The following DNER variants were observed in gnomAD, a reference collection of about 807,000 sequenced individuals.
DNER encodes the protein delta/notch like EGF repeat containing, also known as delta and Notch-like epidermal growth factor-related receptor.
DNER carries 33 observed loss-of-function variants against 78.2 expected under a neutral mutation model. That is an observed-to-expected ratio of 0.42 (90% CI 0.32 to 0.56). The LOEUF is 0.56. Among genes scored for constraint, DNER ranks in the 20% least tolerant of loss-of-function variants. The pLI, the probability that DNER is intolerant of heterozygous loss-of-function variation, is 0.11. For missense variants in DNER, 918 were observed against 975.3 expected, an observed-to-expected ratio of 0.94 and a Z score of 0.78; for synonymous variants, 417 against 384.8, an observed-to-expected ratio of 1.08 and a Z score of -0.98.
At chr2:229,475,264 C>T (rs1460874416) in intron 7 of DNER, among the ~76,000 whole-genome samples, 1 of 152,210 alleles carries the variant, frequency 6.6e-6, no homozygotes, top group Non-Finnish European at 1.5e-5. Context: ...CAAACCTCCC[C>T]CTCCGACTCC....
intron 4 of DNER, among the ~76,000 whole-genome samples, chr2:229,567,630 C>T (rs1283355432): frequency 3.3e-5 from 5 of 152,318 alleles, no homozygotes; most frequent in East Asian, 1.9e-4. Flanking sequence ...ATCTTGAGCA[C>T]AGAGCCCCAA....
chr2:229,379,059 G>A (rs1692674533), intron 11 of DNER, among the ~76,000 whole-genome samples: 1 of 152,134 alleles, frequency 6.6e-6, no homozygotes, highest in Admixed American at 6.6e-5. Context: ...ATCATCAAAT[G>A]GAAGATGATA....
intron 8 of DNER, among the ~76,000 whole-genome samples, chr2:229,432,057 T>C (rs1694017505): frequency 6.6e-6 from 1 of 152,216 alleles, no homozygotes; most frequent in Admixed American, 6.5e-5. Context: ...ATGTTTGTAA[T>C]ACCATGATTA....
intron 6 of DNER, among the ~76,000 whole-genome samples, chr2:229,478,204 T>C (rs1027803203): frequency 1.6e-4 from 24 of 151,810 alleles, no homozygotes; most frequent in Admixed American, 4.6e-4. Context: ...TTGTGAGTCA[T>C]AGATATTTTC....
At chr2:229,458,805 A>T (rs1249841205) in intron 7 of DNER, among the ~76,000 whole-genome samples, 1 of 152,010 alleles carries the variant, frequency 6.6e-6, no homozygotes, top group Non-Finnish European at 1.5e-5. Flanking sequence ...TAAAAAACAT[A>T]AAGTGTAGAA....
At chr2:229,456,228 G>C (rs906592777) in intron 7 of DNER, among the ~76,000 whole-genome samples, 2 of 151,844 alleles carry the variant, frequency 1.3e-5, no homozygotes, top group Non-Finnish European at 2.9e-5. Flanking sequence ...AAGAGCAAGA[G>C]AGAAATGCAG....
intron 8 of DNER, among the ~76,000 whole-genome samples, chr2:229,436,602 A>G (rs1694123974): frequency 6.6e-6 from 1 of 152,248 alleles, no homozygotes; most frequent in Admixed American, 6.5e-5. Flanking sequence ...CAGACCTGTC[A>G]GCAGAAACCC....
At chr2:229,373,863 C>G (rs1041035998) in intron 11 of DNER, among the ~76,000 whole-genome samples, 7 of 152,166 alleles carry the variant, frequency 4.6e-5, no homozygotes, top group African/African-American at 1.7e-4. Context: ...ACCACATGTT[C>G]TCACTTATAA....
intron 6 of DNER, among the ~76,000 whole-genome samples, chr2:229,492,144 A>ATAC (rs1695414029): frequency 6.6e-6 from 1 of 152,156 alleles, no homozygotes; most frequent in Admixed American, 6.5e-5. Context: ...CACCCAGAAA[A>ATAC]ATCCCTGGCA....
intron 1 of DNER, among the ~76,000 whole-genome samples, chr2:229,624,826 T>G (rs1056982593): frequency 1.3e-5 from 2 of 152,212 alleles, no homozygotes; most frequent in Non-Finnish European, 2.9e-5. Flanking sequence ...TGTGTACATT[T>G]CTGGAGGCTA....
intron 8 of DNER, among the ~76,000 whole-genome samples, chr2:229,428,045 A>G (rs1457832578): frequency 1.4e-5 from 2 of 147,760 alleles, no homozygotes; most frequent in African/African-American, 5.1e-5. Flanking sequence ...ACTGCATTCT[A>G]GCCTGGGTGA....
intron 8 of DNER, among the ~76,000 whole-genome samples, chr2:229,434,873 T>G (rs569564418): frequency 6.6e-6 from 1 of 151,684 alleles, no homozygotes; most frequent in African/African-American, 2.4e-5. Flanking sequence ...TCAACTTTCT[T>G]TCTCCTCAAA....
At chr2:229,521,557 T>C (rs1446489370) in intron 5 of DNER, among the ~76,000 whole-genome samples, 2 of 152,244 alleles carry the variant, frequency 1.3e-5, no homozygotes, top group African/African-American at 4.8e-5. Context: ...CACATTTTGA[T>C]TTGATTAAGC....
At chr2:229,568,333 G>A (rs78845626) in intron 4 of DNER, among the ~76,000 whole-genome samples, 1,654 of 152,202 alleles carry the variant, frequency 0.011, 14 homozygotes, top group Non-Finnish European at 0.019. Context: ...CTACTGGTGC[G>A]TGCCATTGTG....
chr2:229,668,095 T>C lies in DNER; in HGVS notation c.276+46053A>G, dbSNP rs566063059. 1.6e-4 allele frequency among the ~76,000 whole-genome samples: 24 copies of C among 152,218 alleles called. No homozygotes were observed. The South Asian group carries it at 5.0e-3, about 32-fold the overall frequency. On this transcript the variant is annotated intron_variant, in intron 1 of 12. Coordinates refer to ENST00000341772, the MANE Select transcript of DNER (RefSeq NM_139072.4). The stretch of plus-strand genomic sequence containing the variant: ...GTGATACTTAAAGCATTATAGAGAT[T>C]GAGAAAATGTTGAGATCACACTGTC...
chr2:229,565,310 C>T (rs771567435), intron 4 of DNER, among the ~76,000 whole-genome samples: 8 of 152,292 alleles, frequency 5.3e-5, no homozygotes, highest in Admixed American at 2.0e-4. Flanking sequence ...ATGATTGCTA[C>T]TCTTTAAAAA....
At chr2:229,532,594 C>G (rs1351729871) in intron 5 of DNER, among the ~76,000 whole-genome samples, 1 of 152,214 alleles carries the variant, frequency 6.6e-6, no homozygotes, top group Non-Finnish European at 1.5e-5. Flanking sequence ...AATTATCAGG[C>G]CTTCCCACAA....
Position 229,554,857 on chromosome 2 carries a change from A to AAAGAG in DNER, c.848-7770_848-7766dup, listed in dbSNP as rs869140188. Among the ~76,000 whole-genome samples the AAAGAG allele has an allele frequency of 9.4e-3, 483 of 51,262 alleles. 25 individuals are homozygous for AAAGAG. The highest frequency in any genetic ancestry group is 0.014 in the East Asian group (19 of 1,332). 33.6% of individuals were successfully genotyped at this position (51,262 alleles called of 152,430 possible). A position where few individuals can be genotyped will look rare whatever the true frequency, so the allele number is the denominator to read the frequency against. ...GTGACAGAGTAAGACCCTGAAAGGA[A>AAAGAG]AAGAGAAGAGAAGAGAAGAGAAGAG... On this transcript the variant is annotated intron_variant, in intron 4 of 12. Transcript: ENST00000341772.
chr2:229,500,322 T>G (rs1386485313), intron 6 of DNER, among the ~76,000 whole-genome samples: 1 of 152,138 alleles, frequency 6.6e-6, no homozygotes, highest in Non-Finnish European at 1.5e-5. Flanking sequence ...GAAGTGTCAA[T>G]TAAAACCACG....
Sources: allele counts gnomAD v4.1 joint callset (sites outside exome capture counted in the v4.1 genomes callset), GRCh38; gene constraint gnomAD v4.1.1; transcripts MANE v1.5; gene names NCBI Gene and HGNC (gene_info 2026-07-23, HGNC 2026-07-21).